NAALADL2: variants seen among roughly 807,000 people sequenced by gnomAD.
NAALADL2 encodes the protein N-acetylated alpha-linked acidic dipeptidase like 2, also known as inactive N-acetylated-alpha-linked acidic dipeptidase-like protein 2.
NAALADL2 carries 76 observed loss-of-function variants against 87.2 expected under a neutral mutation model. That is an observed-to-expected ratio of 0.87 (90% CI 0.72 to 1.05). The LOEUF is 1.05. Ranked by LOEUF, NAALADL2 falls within the 50% of genes least tolerant of loss-of-function variation. The pLI, the probability that NAALADL2 is intolerant of heterozygous loss-of-function variation, is 0.00. For missense variants in NAALADL2, 1,089 were observed against 945.8 expected, an observed-to-expected ratio of 1.15 and a Z score of -1.99; for synonymous variants, 354 against 331.0, an observed-to-expected ratio of 1.07 and a Z score of -0.75.
At chr3:175,126,591 G>T (rs1164043428) in intron 2 of NAALADL2, among the ~76,000 whole-genome samples, 2 of 152,070 alleles carry the variant, frequency 1.3e-5, no homozygotes, top group Non-Finnish European at 2.9e-5. Flanking sequence ...ACAGGTGTTA[G>T]AATTATATAT....
chr3:175,036,438 C>T (rs960668281), intron 1 of NAALADL2, among the ~76,000 whole-genome samples: 18 of 150,850 alleles, frequency 1.2e-4, no homozygotes, highest in Admixed American at 4.6e-4. Context: ...CTCGCTCTGT[C>T]ACCCAGGCTG....
At chr3:174,840,636 G>A (rs1723922905) in intron 3 of NAALADL2, among the ~76,000 whole-genome samples, 1 of 152,070 alleles carries the variant, frequency 6.6e-6, no homozygotes, top group South Asian at 2.1e-4. Flanking sequence ...ATATTTTTCA[G>A]TGTCATCCTG....
intron 1 of NAALADL2, chr3:174,459,687 A>G (rs1364439100): frequency 6.6e-6 from 1 of 152,168 alleles, no homozygotes; most frequent in African/African-American, 2.4e-5. Context: ...AGCTTCAAAG[A>G]TAGTTTCTTC....
chr3:175,596,825 A>C (rs1015786559), intron 10 of NAALADL2, among the ~76,000 whole-genome samples: 1 of 151,970 alleles, frequency 6.6e-6, no homozygotes, highest in Admixed American at 6.6e-5. Context: ...TTACCGCCTA[A>C]GTCCTAAAAG....
chr3:174,798,358 C>A (rs908717450), intron 3 of NAALADL2, among the ~76,000 whole-genome samples: 3 of 152,104 alleles, frequency 2.0e-5, no homozygotes, highest in African/African-American at 7.2e-5. Context: ...AAATTTGGAA[C>A]TGTCAGTCCT....
At chr3:175,188,482 G>T (rs1003903465) in intron 2 of NAALADL2, among the ~76,000 whole-genome samples, 1 of 152,062 alleles carries the variant, frequency 6.6e-6, no homozygotes, top group Non-Finnish European at 1.5e-5. Context: ...TGGAATCTTG[G>T]GCAGCTCATG....
intron 2 of NAALADL2, among the ~76,000 whole-genome samples, chr3:174,597,255 T>C (rs1718006729): frequency 6.6e-6 from 1 of 151,918 alleles, no homozygotes; most frequent in East Asian, 1.9e-4. Flanking sequence ...ACAACAGGAG[T>C]CTAGTAGGGA....
chr3:174,689,035 A>G (rs974819280), intron 2 of NAALADL2, among the ~76,000 whole-genome samples: 5 of 152,126 alleles, frequency 3.3e-5, no homozygotes. Context: ...GAGTTGTTAC[A>G]GGAACATTCT....
chr3:174,524,140 A>C (rs898984537), intron 1 of NAALADL2, among the ~76,000 whole-genome samples: 3 of 152,142 alleles, frequency 2.0e-5, no homozygotes, highest in Non-Finnish European at 2.9e-5. Context: ...ATGTATTAAA[A>C]ATTTTTACTG....
intron 11 of NAALADL2, among the ~76,000 whole-genome samples, chr3:175,730,239 T>C (rs1743491985): frequency 6.6e-6 from 1 of 151,460 alleles, no homozygotes; most frequent in African/African-American, 2.4e-5. Flanking sequence ...GTAAATAATC[T>C]TTTTCTTTCT....
At chr3:175,094,757 A>AGTGTGTGTGTGTGTGT (rs369083345) in intron 1 of NAALADL2, among the ~76,000 whole-genome samples, 1 of 125,968 alleles carries the variant, frequency 7.9e-6, no homozygotes, top group Admixed American at 8.1e-5. Context: ...CAGACACTAT[A>AGTGTGTGTGTGTGTGT]GTGTGTGTGT....
Position 174,809,599 on chromosome 3 carries a change from GA to G in NAALADL2, c.-9+71856del, listed in dbSNP as rs368498672. Among the ~76,000 whole-genome samples, 74 of 151,700 alleles carry G rather than the reference GA, an allele frequency of 4.9e-4. No individual in the cohort carries two copies. In the East Asian group the frequency reaches 0.014, roughly 29 times the overall value. ...ATTTTTTTCATGGCATCATATTTAA[GA>G]AAGTGGCCTCATATATAACTTCAAA... On this transcript the variant is annotated intron_variant, in intron 3 of 3. Transcript: ENST00000434257.
At chr3:174,624,088 G>T (rs1257399371) in intron 2 of NAALADL2, among the ~76,000 whole-genome samples, 1 of 151,930 alleles carries the variant, frequency 6.6e-6, no homozygotes, top group Admixed American at 6.6e-5. Context: ...ATTTTAAAAT[G>T]TTTTACATTT....
At chr3:175,052,155 T>A (rs9822470) in intron 1 of NAALADL2, among the ~76,000 whole-genome samples, 31,174 of 152,238 alleles carry the variant, frequency 0.2, 3,403 homozygotes, top group Middle Eastern at 0.32. Context: ...GCTAGTTATC[T>A]GCAGCAGGAG....
chr3:175,018,822 C>A (rs767265099), intron 1 of NAALADL2, among the ~76,000 whole-genome samples: 4 of 151,976 alleles, frequency 2.6e-5, no homozygotes, highest in African/African-American at 9.7e-5. Context: ...ATAACGTAAC[C>A]GGTGTTTTCT....
intron 9 of NAALADL2, among the ~76,000 whole-genome samples, chr3:175,561,573 A>G (rs1359216993): frequency 6.6e-6 from 1 of 152,194 alleles, no homozygotes; most frequent in Non-Finnish European, 1.5e-5. Context: ...CATGCTATCT[A>G]CAAAATATGC....
At chr3:175,802,331 G>A (rs1553778041) in intron 13 of NAALADL2, among the ~76,000 whole-genome samples, 1 of 150,814 alleles carries the variant, frequency 6.6e-6, no homozygotes, top group African/African-American at 2.4e-5. Flanking sequence ...TTTTTTTTGG[G>A]GGGGGACAAT....
intron 5 of NAALADL2, among the ~76,000 whole-genome samples, chr3:175,361,187 GGAC>G (rs1764968263): frequency 6.6e-6 from 1 of 152,108 alleles, no homozygotes; most frequent in South Asian, 2.1e-4. Flanking sequence ...TCCCTACGAA[GGAC>G]ATGAACTCAT....
chr3:175,664,697 AATT>A (rs1732717060), intron 11 of NAALADL2, among the ~76,000 whole-genome samples: 1 of 152,184 alleles, frequency 6.6e-6, no homozygotes, highest in African/African-American at 2.4e-5. Flanking sequence ...ATTGAATTTA[AATT>A]ATTATAAGCC....
Sources: gnomAD v4.1 joint callset for allele counts (sites outside exome capture counted in the v4.1 genomes callset) on GRCh38, gnomAD v4.1.1 for gene constraint, MANE v1.5 for transcripts, NCBI Gene and HGNC (gene_info 2026-07-23, HGNC 2026-07-21) for gene names.